The following PCSK2 variants were observed in gnomAD, a reference collection of about 807,000 sequenced individuals.
The protein encoded by PCSK2 is proprotein convertase subtilisin/kexin type 2.
In PCSK2, 14 loss-of-function variants were observed where a neutral mutation model predicts 69.7. The observed-to-expected ratio is 0.20, with a 90% CI of 0.13 to 0.31. PCSK2 has a LOEUF of 0.31. Among genes scored for constraint, PCSK2 ranks in the 10% least tolerant of loss-of-function variants. PCSK2 has a pLI of 1.00. For synonymous variants in PCSK2, 307 were observed against 320.7 expected (o/e 0.96, Z 0.46); for missense variants, 544 against 842.5 (o/e 0.65, Z 4.39).
intron 7 of PCSK2, among the ~76,000 whole-genome samples, chr20:17,434,580 C>G (rs2032445600): frequency 6.6e-6 from 1 of 152,174 alleles, no homozygotes; most frequent in Non-Finnish European, 1.5e-5. Context: ...TTGCGCAGCA[C>G]AGAGGGAGCC....
chr20:17,302,971 A>C (rs1208692399), intron 2 of PCSK2, among the ~76,000 whole-genome samples: 2 of 152,022 alleles, frequency 1.3e-5, no homozygotes, highest in Non-Finnish European at 2.9e-5. Context: ...GCTCAATGTG[A>C]GCTCACTCTG....
chr20:17,331,821 TG>T, intron 2 of PCSK2, among the ~76,000 whole-genome samples: 1 of 150,974 alleles, frequency 6.6e-6, no homozygotes, highest in East Asian at 1.9e-4. Context: ...ATTTGATAAA[TG>T]GTAACTAAGA....
At chr20:17,386,391 A>G (rs916202712) in intron 5 of PCSK2, among the ~76,000 whole-genome samples, 1 of 152,234 alleles carries the variant, frequency 6.6e-6, no homozygotes, top group Non-Finnish European at 1.5e-5. Flanking sequence ...TTACATACAT[A>G]TAATGGAATA....
At chr20:17,296,654 T>C (rs1600462016) in intron 2 of PCSK2, among the ~76,000 whole-genome samples, 1 of 152,348 alleles carries the variant, frequency 6.6e-6, no homozygotes, top group African/African-American at 2.4e-5. Flanking sequence ...TGAGCTCAAA[T>C]CACCTTAAAA....
rs1227098629 is a variant in PCSK2 at position 17,282,245 on chromosome 20, A to C, written c.282+21901A>C. ...CCTACCTCTCTCTCCATACACACAC[A>C]CATAAACACACACACACACATATGT... On this transcript the variant is annotated intron_variant, in intron 2 of 11. Transcript: ENST00000262545. Among the ~76,000 whole-genome samples the C allele has an allele frequency of 2.0e-5, 3 of 152,084 alleles. No homozygotes were observed. In the East Asian group the frequency reaches 5.8e-4, roughly 29 times the overall value.
intron 2 of PCSK2, among the ~76,000 whole-genome samples, chr20:17,342,637 C>CTT (rs112434595): frequency 8.1e-4 from 117 of 144,590 alleles, no homozygotes; most frequent in African/African-American, 1.5e-3. Context: ...CTTTAATAAA[C>CTT]TTTTTTTTTT....
intron 2 of PCSK2, among the ~76,000 whole-genome samples, chr20:17,345,262 A>G (rs570825015): frequency 2.9e-4 from 44 of 152,280 alleles, no homozygotes; most frequent in African/African-American, 1.0e-3. Context: ...CACTCTGACG[A>G]TGAAATGATT....
At chr20:17,253,788 G>T (rs6034783) in intron 1 of PCSK2, among the ~76,000 whole-genome samples, 73,648 of 151,960 alleles carry the variant, frequency 0.48, 18,031 homozygotes, top group East Asian at 0.66. Context: ...CTGCCAAAGA[G>T]CTTTCCAAAT....
At chr20:17,343,032 C>CAGATGAGAAAACAAATGTACAGATG (rs1460409836) in intron 2 of PCSK2, among the ~76,000 whole-genome samples, 11 of 152,130 alleles carry the variant, frequency 7.2e-5, no homozygotes, top group Non-Finnish European at 1.5e-4. Context: ...AACAAATGTA[C>CAGATGAGAAAACAAATGTACAGATG]AGAAAGCTTA....
At chr20:17,438,485 C>T (rs1329051678) in intron 8 of PCSK2, among the ~76,000 whole-genome samples, 1 of 152,120 alleles carries the variant, frequency 6.6e-6, no homozygotes, top group Non-Finnish European at 1.5e-5. Flanking sequence ...GGAACTGGCC[C>T]GGGGTTTGAG....
rs143541945 is a variant in PCSK2, at chr20:17,478,674, T to A, written c.1431-2910T>A. Among the ~76,000 whole-genome samples the A allele has an allele frequency of 4.0e-4, 61 of 152,340 alleles. 2 individuals are homozygous for A. The East Asian group carries it at 0.011, about 28-fold the overall frequency. ...AAAATGAAAAGATATTAGCTAATTC[T>A]CATCATTTTCTCCACATTTATCCTT... is the stretch of plus-strand genomic sequence containing the variant. On this transcript the variant is annotated intron_variant, in intron 11 of 11. Coordinates refer to ENST00000262545, the MANE Select transcript of PCSK2 (RefSeq NM_002594.5).
intron 2 of PCSK2, among the ~76,000 whole-genome samples, chr20:17,274,836 G>A (rs1988000154): frequency 6.6e-6 from 1 of 152,022 alleles, no homozygotes. Context: ...TTTCCCAGCA[G>A]TGCAGAGGGG....
At chr20:17,374,486 G>T (rs2030865642) in intron 5 of PCSK2, among the ~76,000 whole-genome samples, 1 of 152,160 alleles carries the variant, frequency 6.6e-6, no homozygotes, top group Admixed American at 6.5e-5. Context: ...AGCTACAAAG[G>T]TGAAGAAAAG....
chr20:17,354,792 A>G (rs1277193442), intron 2 of PCSK2, among the ~76,000 whole-genome samples: 2 of 152,198 alleles, frequency 1.3e-5, no homozygotes, highest in Admixed American at 1.3e-4. Context: ...TCACAACTTT[A>G]TAGTATGATT....
chr20:17,304,789 A>G (rs1037904623), intron 2 of PCSK2, among the ~76,000 whole-genome samples: 7 of 152,218 alleles, frequency 4.6e-5, no homozygotes, highest in African/African-American at 1.7e-4. Flanking sequence ...AATAGATAGC[A>G]AAAGTTTTTG....
chr20:17,347,370 C>G lies in PCSK2; in HGVS notation c.283-10957C>G, dbSNP rs1600509786. On this transcript the variant is annotated intron_variant, in intron 2 of 11. Coordinates refer to ENST00000262545, the MANE Select transcript of PCSK2 (RefSeq NM_002594.5). Reference sequence around the variant, plus strand: ...CTCCAGATCCCTGTTTGGATCTCGACAACCAAAGCCAGCAGTTGGCGGCAA... The same window carrying G: ...CTCCAGATCCCTGTTTGGATCTCGAGAACCAAAGCCAGCAGTTGGCGGCAA... Among the ~76,000 whole-genome samples the G allele has an allele frequency of 2.0e-5, 3 of 152,150 alleles. No homozygotes were observed. In the East Asian group the frequency reaches 5.8e-4, roughly 29 times the overall value.
At chr20:17,310,988 C>G (rs890705834) in intron 2 of PCSK2, among the ~76,000 whole-genome samples, 1 of 115,574 alleles carries the variant, frequency 8.7e-6, no homozygotes, top group Non-Finnish European at 1.7e-5. Context: ...GGCTACAGAG[C>G]AAGACTCCGT....
At chr20:17,283,266 T>C (rs1256258532) in intron 2 of PCSK2, among the ~76,000 whole-genome samples, 1 of 152,196 alleles carries the variant, frequency 6.6e-6, no homozygotes, top group Non-Finnish European at 1.5e-5. Flanking sequence ...GTAAAGAGAC[T>C]ACAGAATAAT....
At chr20:17,251,671 G>A (rs1986985903) in intron 1 of PCSK2, among the ~76,000 whole-genome samples, 1 of 152,162 alleles carries the variant, frequency 6.6e-6, no homozygotes, top group South Asian at 2.1e-4. Flanking sequence ...CTAGCTACTT[G>A]TTTCTGTAGT....
Sources: allele counts gnomAD v4.1 joint callset (sites outside exome capture counted in the v4.1 genomes callset), GRCh38; gene constraint gnomAD v4.1.1; transcripts MANE v1.5; gene names NCBI Gene and HGNC (gene_info 2026-07-23, HGNC 2026-07-21).